Variants in CDK14 observed in about 807,000 individuals in gnomAD.
The protein encoded by CDK14 is cyclin dependent kinase 14.
A neutral mutation model predicts 60.7 loss-of-function variants in CDK14; 34 were observed. That is an observed-to-expected ratio of 0.56 (90% CI 0.43 to 0.75). CDK14 has a LOEUF of 0.75. Among genes scored for constraint, CDK14 ranks in the 30% least tolerant of loss-of-function variants. CDK14 has a pLI of 0.00. For missense variants in CDK14, 482 were observed against 564.1 expected (o/e 0.85, Z 1.47); for synonymous variants, 197 against 203.7 (o/e 0.97, Z 0.28).
chr7:90,674,148 T>C (rs1379041077), intron 2 of CDK14, among the ~76,000 whole-genome samples: 1 of 152,194 alleles, frequency 6.6e-6, no homozygotes. Flanking sequence ...TGAGTCTTAA[T>C]GAGAGGGCTA....
chr7:91,080,724 C>G (rs919107480), intron 12 of CDK14, among the ~76,000 whole-genome samples: 1 of 152,168 alleles, frequency 6.6e-6, no homozygotes, highest in Admixed American at 6.5e-5. Context: ...GACATCATTC[C>G]TTCCAACCAG....
intron 2 of CDK14, among the ~76,000 whole-genome samples, chr7:90,673,775 T>G (rs1801145568): frequency 6.6e-6 from 1 of 152,218 alleles, no homozygotes; most frequent in South Asian, 2.1e-4. Context: ...GTGCAACATA[T>G]CCTTACTTTG....
At chr7:91,178,283 T>C (rs1801850567) in intron 14 of CDK14, among the ~76,000 whole-genome samples, 1 of 118,308 alleles carries the variant, frequency 8.5e-6, no homozygotes, top group South Asian at 2.9e-4. Context: ...ACTGGATCCC[T>C]TCCTTACACC....
At chr7:90,798,021 C>T (rs1449827270) in intron 5 of CDK14, among the ~76,000 whole-genome samples, 1 of 151,860 alleles carries the variant, frequency 6.6e-6, no homozygotes, top group Non-Finnish European at 1.5e-5. Context: ...ACTACTTTGG[C>T]GTTGTGGTTT....
chr7:90,811,078 G>C (rs554428751), intron 5 of CDK14, among the ~76,000 whole-genome samples: 30 of 152,264 alleles, frequency 2.0e-4, no homozygotes, highest in Middle Eastern at 3.4e-3. Flanking sequence ...TCCCCATCAA[G>C]CTACCAATGA....
intron 14 of CDK14, among the ~76,000 whole-genome samples, chr7:91,167,316 C>G (rs1302510342): frequency 2.6e-5 from 4 of 152,206 alleles, no homozygotes; most frequent in East Asian, 1.9e-4. Context: ...ACAAAGGGCT[C>G]TCCACATTTG....
At chr7:90,606,951 A>G (rs1422403224) in intron 2 of CDK14, among the ~76,000 whole-genome samples, 2 of 152,178 alleles carry the variant, frequency 1.3e-5, no homozygotes, top group East Asian at 3.8e-4. Context: ...TAAATGTAGG[A>G]TTCTAAATAA....
Position 90,604,244 on chromosome 7 carries a change from G to A in CDK14, c.118G>A (p.Asp40Asn), listed in dbSNP as rs755942380. The A allele has an allele frequency of 6.5e-7, 1 of 1,533,500 alleles. No homozygotes were observed. The highest frequency in any genetic ancestry group is 8.8e-7 in the Non-Finnish European group (1 of 1,131,116). The allele number at this position is 1,533,500 out of a possible 1,614,324, so 95.0% of individuals were successfully genotyped here. ...TTTGAAGAAAGATGACACCACCTTT[G>A]ATGAGGTAGGTTAAATTTCTTTATC... is the stretch of plus-strand genomic sequence containing the variant. ...IALKKDDTTF[D>N]EICVTKMSTR... The change falls in exon 2 of 15, where the codon GAT (aspartate) becomes AAT (asparagine). Residue 40 changes from aspartate (D) to asparagine (N), a missense_variant. By Grantham distance (23) the Asp-to-Asn change is conservative. Coordinates refer to ENST00000380050, the MANE Select transcript of CDK14 (RefSeq NM_001287135.2).
chr7:90,618,022 A>G (rs1008293255), intron 2 of CDK14, among the ~76,000 whole-genome samples: 1 of 152,228 alleles, frequency 6.6e-6, no homozygotes, highest in African/African-American at 2.4e-5. Flanking sequence ...AGCAAGGCAA[A>G]TGGTTAGTAT....
intron 5 of CDK14, among the ~76,000 whole-genome samples, chr7:90,854,391 A>G (rs1790751530): frequency 6.6e-6 from 1 of 151,966 alleles, no homozygotes; most frequent in African/African-American, 2.4e-5. Context: ...CAACAACAAA[A>G]CATTAGCCAG....
At chr7:90,687,467 T>A (rs1188390874) in intron 2 of CDK14, among the ~76,000 whole-genome samples, 1 of 152,018 alleles carries the variant, frequency 6.6e-6, no homozygotes. Flanking sequence ...GGTTTTGGTT[T>A]GATAGAAGAT....
At chr7:90,859,715 A>G (rs551790897) in intron 5 of CDK14, among the ~76,000 whole-genome samples, 3 of 152,216 alleles carry the variant, frequency 2.0e-5, no homozygotes, top group African/African-American at 7.2e-5. Flanking sequence ...CAGTTAATGA[A>G]CTTGGAATAA....
intron 2 of CDK14, among the ~76,000 whole-genome samples, chr7:90,715,804 A>G (rs1240725373): frequency 2.0e-5 from 3 of 151,688 alleles, no homozygotes; most frequent in African/African-American, 4.8e-5. Context: ...CAGTGCAGCT[A>G]TGGGAATTTT....
In CDK14 at chr7:90,810,985, G is replaced by T. The variant is rs1042089938; in HGVS notation, c.544+20333G>T. Among the ~76,000 whole-genome samples, 11 of 152,260 alleles carry T rather than the reference G, an allele frequency of 7.2e-5. 1 individual carries two copies. Among genetic ancestry groups the T allele is most frequent in the African/African-American group, 2.6e-4 (11 of 41,550 alleles). Reference sequence around the variant, plus strand: ...TAAAAGAGGATACAAACAAATGGAAGAATATTCCCTGCTCATGGATAGGAA... The same window carrying T: ...TAAAAGAGGATACAAACAAATGGAATAATATTCCCTGCTCATGGATAGGAA... On this transcript the variant is annotated intron_variant, in intron 5 of 14. Coordinates refer to ENST00000380050, the MANE Select transcript of CDK14 (RefSeq NM_001287135.2).
intron 1 of CDK14, among the ~76,000 whole-genome samples, chr7:90,601,960 A>G (rs1799325807): frequency 6.6e-6 from 1 of 150,810 alleles, no homozygotes; most frequent in Non-Finnish European, 1.5e-5. Context: ...GTATGTATGT[A>G]TGTATGTATG....
At position 90,790,658 on chromosome 7, in the gene CDK14, C is replaced by A; in HGVS notation, c.544+6C>A. 6.2e-7 allele frequency: 1 copy of A among 1,603,354 alleles called. No individual in the cohort carries two copies. Among genetic ancestry groups the A allele is most frequent in the Non-Finnish European group, 8.5e-7 (1 of 1,171,272 alleles). On this transcript the variant is annotated splice_donor_region_variant and intron_variant, in intron 5 of 14. Coordinates refer to ENST00000380050, the MANE Select transcript of CDK14 (RefSeq NM_001287135.2). ...TTTCACAGCTATCAGGGAAGGTAGG[C>A]ACTTTTCCTTGTTGATATTGCTTTT...
intron 5 of CDK14, among the ~76,000 whole-genome samples, chr7:90,833,114 G>C (rs1789967992): frequency 6.6e-6 from 1 of 152,188 alleles, no homozygotes; most frequent in Non-Finnish European, 1.5e-5. Context: ...CATAGCTTCA[G>C]CATTTCCACT....
chr7:91,170,638 A>C (rs374157718), intron 14 of CDK14, among the ~76,000 whole-genome samples: 20 of 152,200 alleles, frequency 1.3e-4, no homozygotes, highest in East Asian at 7.7e-4. Context: ...AATTTTGATT[A>C]GCTTGTATTC....
chr7:90,708,487 A>T (rs555978903), intron 2 of CDK14, among the ~76,000 whole-genome samples: 1 of 152,336 alleles, frequency 6.6e-6, no homozygotes, highest in Admixed American at 6.5e-5. Flanking sequence ...AAAGTATGTA[A>T]TATTTGTATT....
Sources: allele counts gnomAD v4.1 joint callset (sites outside exome capture counted in the v4.1 genomes callset), GRCh38; gene constraint gnomAD v4.1.1; transcripts MANE v1.5; gene names NCBI Gene and HGNC (gene_info 2026-07-23, HGNC 2026-07-21).